WWOX: variants seen among roughly 807,000 people sequenced by gnomAD.
The protein encoded by WWOX is WW domain containing oxidoreductase, also known as WW domain-containing oxidoreductase.
A neutral mutation model predicts 46.2 loss-of-function variants in WWOX; 69 were observed. The observed-to-expected ratio is 1.49, with a 90% CI of 1.23 to 1.82. The LOEUF (loss-of-function observed/expected upper bound fraction) is 1.82. WWOX is among the 40% of genes most tolerant of loss of function. The pLI is 0.00. For synonymous variants in WWOX, 359 were observed against 202.6 expected (o/e 1.77, Z -6.56); for missense variants, 919 against 542.6 (o/e 1.69, Z -6.89).
At chr16:78,588,336 C>T (rs978834848) in intron 8 of WWOX, among the ~76,000 whole-genome samples, 1 of 152,130 alleles carries the variant, frequency 6.6e-6, no homozygotes, top group African/African-American at 2.4e-5. Flanking sequence ...ATTTAATTCC[C>T]AGCCTGATTT....
chr16:78,437,456 AAATT>A (rs1197389579), intron 8 of WWOX, among the ~76,000 whole-genome samples: 3 of 152,196 alleles, frequency 2.0e-5, no homozygotes, highest in Non-Finnish European at 2.9e-5. Flanking sequence ...TATCACTTTG[AAATT>A]AATTAATTTT....
rs972914834 is a variant in WWOX, at chr16:78,918,616, T to C, written c.1057-292992T>C. 2.6e-5 allele frequency among the ~76,000 whole-genome samples: 4 copies of C among 152,228 alleles called. No individual in the cohort carries two copies. In the East Asian group the frequency reaches 5.8e-4, roughly 22 times the overall value. ...TTTTGTGTATTCCTGGCAGGATTTGTATTCTTAGTTTTATTACTAATGATA... is the reference window on the plus strand; with the variant it reads ...TTTTGTGTATTCCTGGCAGGATTTGCATTCTTAGTTTTATTACTAATGATA... On this transcript the variant is annotated intron_variant, in intron 8 of 8. Coordinates refer to ENST00000566780, the MANE Select transcript of WWOX (RefSeq NM_016373.4).
intron 8 of WWOX, among the ~76,000 whole-genome samples, chr16:78,685,512 T>C (rs749565796): frequency 6.6e-6 from 1 of 152,244 alleles, no homozygotes; most frequent in Non-Finnish European, 1.5e-5. Context: ...ACCTGGGGAC[T>C]ATGTATCCTA....
intron 8 of WWOX, among the ~76,000 whole-genome samples, chr16:79,160,623 A>C (rs909322782): frequency 6.6e-6 from 1 of 152,108 alleles, no homozygotes; most frequent in African/African-American, 2.4e-5. Context: ...CTTTTTTTGA[A>C]GAGGTATGGG....
chr16:79,098,923 T>C (rs1389567517), intron 8 of WWOX, among the ~76,000 whole-genome samples: 2 of 152,226 alleles, frequency 1.3e-5, no homozygotes, highest in East Asian at 3.8e-4. Flanking sequence ...ACAAAATACC[T>C]GAGACTGGGT....
intron 8 of WWOX, among the ~76,000 whole-genome samples, chr16:78,579,433 C>G (rs1392098376): frequency 6.6e-6 from 1 of 152,056 alleles, no homozygotes; most frequent in Non-Finnish European, 1.5e-5. Context: ...GGTACTCAGG[C>G]TGAAGGATCA....
At chr16:78,340,393 A>G (rs1281686264) in intron 5 of WWOX, among the ~76,000 whole-genome samples, 3 of 119,008 alleles carry the variant, frequency 2.5e-5, no homozygotes, top group Non-Finnish European at 2.0e-5. Context: ...TTTTTAGTAG[A>G]GATGAAGTGT....
intron 8 of WWOX, among the ~76,000 whole-genome samples, chr16:78,861,620 A>G (rs954068453): frequency 6.6e-6 from 1 of 152,192 alleles, no homozygotes; most frequent in African/African-American, 2.4e-5. Flanking sequence ...CATCACACCC[A>G]AAAACATCAC....
chr16:78,205,503 C>A (rs181014215), intron 5 of WWOX, among the ~76,000 whole-genome samples: 1 of 151,920 alleles, frequency 6.6e-6, no homozygotes, highest in Non-Finnish European at 1.5e-5. Context: ...ATCTAGTCAT[C>A]CCCATCCATC....
intron 8 of WWOX, among the ~76,000 whole-genome samples, chr16:79,081,006 GCA>G (rs2048750663): frequency 6.6e-6 from 1 of 152,062 alleles, no homozygotes; most frequent in African/African-American, 2.4e-5. Context: ...ACACGCACAT[GCA>G]CACCCACCAG....
At chr16:78,153,131 T>C (rs541887652) in intron 4 of WWOX, among the ~76,000 whole-genome samples, 2 of 152,188 alleles carry the variant, frequency 1.3e-5, no homozygotes, top group Non-Finnish European at 2.9e-5. Flanking sequence ...CTCAGAACTA[T>C]GTAATTGAAA....
At chr16:78,965,615 C>A (rs1281289346) in intron 8 of WWOX, among the ~76,000 whole-genome samples, 1 of 151,806 alleles carries the variant, frequency 6.6e-6, no homozygotes, top group Non-Finnish European at 1.5e-5. Context: ...CAGTCTAATG[C>A]TTTCCACTAG....
At chr16:78,755,932 C>T (rs950230031) in intron 8 of WWOX, among the ~76,000 whole-genome samples, 1 of 152,180 alleles carries the variant, frequency 6.6e-6, no homozygotes, top group African/African-American at 2.4e-5. Flanking sequence ...ATGAGAAGAA[C>T]ATATGCCAAG....
intron 8 of WWOX, among the ~76,000 whole-genome samples, chr16:78,976,420 G>A (rs80049752): frequency 0.027 from 4,037 of 152,322 alleles, 169 homozygotes; most frequent in African/African-American, 0.09. Context: ...AGCATGTGAT[G>A]TGCGTGGGCC....
chr16:78,809,656 C>G (rs964785955), intron 8 of WWOX, among the ~76,000 whole-genome samples: 1 of 152,186 alleles, frequency 6.6e-6, no homozygotes, highest in African/African-American at 2.4e-5. Context: ...CCCCCCACCC[C>G]TGTTTCCAGA....
chr16:79,181,081 G>A lies in WWOX; in HGVS notation c.1057-30527G>A, dbSNP rs187449489. ...ATGAATATATAAGAAGAAAACGCTC[G>A]TAATTTATGCTCTACCTCTTCCCTT... On this transcript the variant is annotated intron_variant, in intron 8 of 8. Coordinates refer to ENST00000566780, the MANE Select transcript of WWOX (RefSeq NM_016373.4). 4.6e-5 allele frequency among the ~76,000 whole-genome samples: 7 copies of A among 152,228 alleles called. No homozygotes were observed. The East Asian group carries it at 7.7e-4, about 17-fold the overall frequency.
At chr16:78,723,924 G>A (rs1246501330) in intron 8 of WWOX, among the ~76,000 whole-genome samples, 5 of 152,104 alleles carry the variant, frequency 3.3e-5, no homozygotes, top group Admixed American at 1.3e-4. Flanking sequence ...ATTATTTGAG[G>A]ACCTAGACTT....
chr16:78,808,787 G>A (rs1262079540), intron 8 of WWOX, among the ~76,000 whole-genome samples: 1 of 152,152 alleles, frequency 6.6e-6, no homozygotes, highest in East Asian at 1.9e-4. Flanking sequence ...GTGTCGTGGT[G>A]TGTGATCTTG....
At chr16:78,551,587 G>C (rs1382485901) in intron 8 of WWOX, 1 of 152,146 alleles carries the variant, frequency 6.6e-6, no homozygotes, top group Non-Finnish European at 1.5e-5. Flanking sequence ...TTTGCTCTTC[G>C]CGCCTGTGCT....
Sources: gnomAD v4.1 joint callset for allele counts (sites outside exome capture counted in the v4.1 genomes callset) on GRCh38, gnomAD v4.1.1 for gene constraint, MANE v1.5 for transcripts, NCBI Gene and HGNC (gene_info 2026-07-23, HGNC 2026-07-21) for gene names.